TCF12: variants seen among roughly 807,000 people sequenced by gnomAD.
TCF12 encodes the protein DNA-binding protein HTF4.
In TCF12, 45 loss-of-function variants were observed where a neutral mutation model predicts 86.0. The ratio of observed to expected loss-of-function variants is 0.52; its 90% confidence interval spans 0.41 to 0.67. The LOEUF (loss-of-function observed/expected upper bound fraction) is 0.67. Among genes scored for constraint, TCF12 ranks in the 30% least tolerant of loss-of-function variants. The probability of loss-of-function intolerance (pLI) is 0.00; values close to 1 mark genes in which losing one functional copy is unlikely to be tolerated. For synonymous variants in TCF12, 330 were observed against 299.6 expected, an observed-to-expected ratio of 1.10 and a Z score of -1.05; for missense variants, 881 against 859.9, an observed-to-expected ratio of 1.02 and a Z score of -0.31.
At chr15:56,928,940 G>A (rs1253549363) in intron 3 of TCF12, among the ~76,000 whole-genome samples, 7 of 152,188 alleles carry the variant, frequency 4.6e-5, no homozygotes, top group African/African-American at 1.7e-4. Flanking sequence ...TAATGGCAGA[G>A]AAGAAGGAAC....
At chr15:57,160,937 A>C (rs1347794641) in intron 5 of TCF12, among the ~76,000 whole-genome samples, 1 of 151,622 alleles carries the variant, frequency 6.6e-6, no homozygotes, top group African/African-American at 2.4e-5. Context: ...CAGTCCTCCC[A>C]CCTCAGCCTC....
At chr15:57,112,744 T>C (rs768018764) in intron 5 of TCF12, among the ~76,000 whole-genome samples, 2 of 152,154 alleles carry the variant, frequency 1.3e-5, no homozygotes, top group African/African-American at 2.4e-5. Context: ...CTTAAGAGTG[T>C]GGGAAATATC....
At chr15:56,971,391 G>A (rs1001614959) in intron 3 of TCF12, among the ~76,000 whole-genome samples, 5 of 151,902 alleles carry the variant, frequency 3.3e-5, no homozygotes, top group Admixed American at 3.3e-4. Context: ...CACGCCACTG[G>A]ACTACAGCCT....
chr15:56,985,826 A>T (rs1238105178), intron 3 of TCF12, among the ~76,000 whole-genome samples: 1 of 152,172 alleles, frequency 6.6e-6, no homozygotes, highest in African/African-American at 2.4e-5. Flanking sequence ...CTCAGTGACT[A>T]AAAATTTATT....
chr15:57,199,658 A>G (rs772220512), intron 8 of TCF12, among the ~76,000 whole-genome samples: 5 of 152,142 alleles, frequency 3.3e-5, no homozygotes, highest in Non-Finnish European at 5.9e-5. Flanking sequence ...AGTTCTCTGT[A>G]TTGTCTCAGG....
intron 3 of TCF12, among the ~76,000 whole-genome samples, chr15:56,925,322 A>G (rs1293411656): frequency 7.3e-6 from 1 of 136,458 alleles, no homozygotes; most frequent in Non-Finnish European, 1.5e-5. Context: ...ACAACATTTT[A>G]GGGGCTTGTT....
intron 4 of TCF12, among the ~76,000 whole-genome samples, chr15:57,083,260 G>A (rs938408470): frequency 4.6e-5 from 7 of 152,044 alleles, no homozygotes; most frequent in Admixed American, 1.3e-4. Context: ...TTTTTATTAT[G>A]TACATTTTAA....
At chr15:57,102,547 A>G (rs1303019467) in intron 5 of TCF12, among the ~76,000 whole-genome samples, 1 of 152,090 alleles carries the variant, frequency 6.6e-6, no homozygotes, top group African/African-American at 2.4e-5. Flanking sequence ...GCAGTGAGCC[A>G]AGATCGCATG....
intron 6 of TCF12, among the ~76,000 whole-genome samples, chr15:57,185,947 GAAA>G (rs1289218778): frequency 6.6e-6 from 1 of 151,306 alleles, no homozygotes; most frequent in Non-Finnish European, 1.5e-5. Flanking sequence ...GATTGACTGA[GAAA>G]AAAAAGAACA....
intron 5 of TCF12, among the ~76,000 whole-genome samples, chr15:57,137,229 G>A (rs1415088450): frequency 2.6e-5 from 4 of 152,016 alleles, no homozygotes; most frequent in East Asian, 1.9e-4. Flanking sequence ...TGATCTGCCC[G>A]CCTCGGCCTC....
chr15:57,231,928 G>T (rs866494817), intron 9 of TCF12, among the ~76,000 whole-genome samples: 2 of 152,090 alleles, frequency 1.3e-5, no homozygotes, highest in Non-Finnish European at 2.9e-5. Flanking sequence ...AATGCACATT[G>T]CGTGTTATGC....
At chr15:57,095,376 A>G (rs1469085285) in intron 5 of TCF12, among the ~76,000 whole-genome samples, 4 of 152,140 alleles carry the variant, frequency 2.6e-5, no homozygotes, top group African/African-American at 9.7e-5. Flanking sequence ...TTTGATAATT[A>G]GTCATATTTT....
chr15:56,945,275 T>C (rs1263998793), intron 3 of TCF12, among the ~76,000 whole-genome samples: 1 of 152,162 alleles, frequency 6.6e-6, no homozygotes, highest in Non-Finnish European at 1.5e-5. Flanking sequence ...AATTGTGTCT[T>C]TTTGCTTTTT....
intron 12 of TCF12, among the ~76,000 whole-genome samples, chr15:57,235,933 T>A (rs11637955): frequency 0.39 from 59,402 of 152,000 alleles, 14,500 homozygotes; most frequent in Non-Finnish European, 0.54. Context: ...TCCCCTGTTA[T>A]AAACAGCATA....
chr15:57,206,784 C>G (rs1378866707), intron 8 of TCF12, among the ~76,000 whole-genome samples: 3 of 151,426 alleles, frequency 2.0e-5, no homozygotes, highest in Non-Finnish European at 4.4e-5. Context: ...GTGCCAATCA[C>G]CATTTTTTTT....
intron 5 of TCF12, among the ~76,000 whole-genome samples, chr15:57,095,458 T>C (rs188364715): frequency 6.6e-5 from 10 of 152,346 alleles, no homozygotes; most frequent in Admixed American, 6.5e-4. Flanking sequence ...CTGGCTTCCA[T>C]CCCCAAGTGA....
At chr15:57,272,254 A>G (rs766516750) in intron 18 of TCF12, among the ~76,000 whole-genome samples, 1 of 152,234 alleles carries the variant, frequency 6.6e-6, no homozygotes, top group Non-Finnish European at 1.5e-5. Flanking sequence ...TTCTATGTAC[A>G]TCTCTAATTA....
intron 3 of TCF12, among the ~76,000 whole-genome samples, chr15:56,966,315 T>G (rs1177678116): frequency 6.6e-6 from 1 of 152,224 alleles, no homozygotes; most frequent in Admixed American, 6.5e-5. Context: ...TTGCCATTAC[T>G]TTCAATGGCA....
chr15:57,122,500 A>G (rs549613926), intron 5 of TCF12, among the ~76,000 whole-genome samples: 31 of 152,328 alleles, frequency 2.0e-4, no homozygotes, highest in Admixed American at 7.8e-4. Context: ...TTTTATGGGT[A>G]TAGAAACAAA....
Sources: gnomAD v4.1 joint callset for allele counts (sites outside exome capture counted in the v4.1 genomes callset) on GRCh38, gnomAD v4.1.1 for gene constraint, MANE v1.5 for transcripts, NCBI Gene and HGNC (gene_info 2026-07-23, HGNC 2026-07-21) for gene names.